Variants in TSPAN11 observed in about 807,000 individuals in gnomAD.
The protein encoded by TSPAN11 is tetraspanin-11.
TSPAN11 carries 29 observed loss-of-function variants against 32.9 expected under a neutral mutation model. The observed-to-expected ratio is 0.88, with a 90% CI of 0.66 to 1.20. The LOEUF is 1.20. Among genes scored for constraint, TSPAN11 ranks in the 50% most tolerant of loss-of-function variants. The pLI, the probability that TSPAN11 is intolerant of heterozygous loss-of-function variation, is 0.00. For missense variants in TSPAN11, 283 were observed against 329.1 expected, an observed-to-expected ratio of 0.86 and a Z score of 1.08; for synonymous variants, 140 against 141.3, an observed-to-expected ratio of 0.99 and a Z score of 0.07.
intron 2 of TSPAN11, 75 bp from the exon 3 acceptor site, chr12:30,963,751 C>A (rs1938662443): frequency 2.0e-6 from 3 of 1,506,902 alleles, no homozygotes; most frequent in Non-Finnish European, 2.7e-6. Flanking sequence ...GTGCCTGGCA[C>A]CCTGTGGGCA....
chr12:30,971,622 C>T (rs1049058888), intron 3 of TSPAN11, among the ~76,000 whole-genome samples: 2 of 152,016 alleles, frequency 1.3e-5, no homozygotes, highest in African/African-American at 4.8e-5. Flanking sequence ...TGGTGGTATG[C>T]ACCTGTAGTC....
intron 1 of TSPAN11, among the ~76,000 whole-genome samples, chr12:30,942,060 C>T (rs945499809): frequency 3.3e-5 from 5 of 152,148 alleles, no homozygotes; most frequent in African/African-American, 7.2e-5. Flanking sequence ...ACTAGCAGGC[C>T]GGTGGGCTGA....
At chr12:30,959,160 C>T (rs925050079) in intron 2 of TSPAN11, among the ~76,000 whole-genome samples, 2 of 152,114 alleles carry the variant, frequency 1.3e-5, no homozygotes, top group African/African-American at 4.8e-5. Flanking sequence ...CTCACTGGGG[C>T]GGCTCCCGGG....
At chr12:31,005,424 C>T in the TSPAN11 span, among the ~76,000 whole-genome samples, 1 of 152,304 alleles carries the variant, frequency 6.6e-6, no homozygotes, top group Admixed American at 6.5e-5. Flanking sequence ...GTGCTGCCTA[C>T]CCCATGGGGG....
At chr12:30,984,267 T>A (rs1007856448) in intron 7 of TSPAN11, among the ~76,000 whole-genome samples, 1 of 152,216 alleles carries the variant, frequency 6.6e-6, no homozygotes, top group African/African-American at 2.4e-5. Flanking sequence ...CCAGTTCCAG[T>A]CCTGGCTTTG....
In TSPAN11 at chr12:30,969,818, G is replaced by A. The variant is rs1446153488; in HGVS notation, c.276+5801G>A. On this transcript the variant is annotated intron_variant, in intron 3 of 7. Transcript: ENST00000546076. Reference sequence around the variant, plus strand: ...GCACAAGGCAGGGTGAGAAGGGGAGGAGGGAAAAAGGGACTCTGACCCAGT... The same window carrying A: ...GCACAAGGCAGGGTGAGAAGGGGAGAAGGGAAAAAGGGACTCTGACCCAGT... 2.0e-5 allele frequency among the ~76,000 whole-genome samples: 3 copies of A among 152,298 alleles called. No individual in the cohort carries two copies. The East Asian group carries it at 5.8e-4, about 29-fold the overall frequency.
At chr12:30,955,931 G>T (rs1938469275) in intron 2 of TSPAN11, among the ~76,000 whole-genome samples, 1 of 152,218 alleles carries the variant, frequency 6.6e-6, no homozygotes. Flanking sequence ...CCAAGGGTAA[G>T]GATTTCGACA....
intron 2 of TSPAN11, among the ~76,000 whole-genome samples, chr12:30,956,684 T>C (rs1242653363): frequency 6.6e-6 from 1 of 151,132 alleles, no homozygotes; most frequent in African/African-American, 2.4e-5. Flanking sequence ...CAGGGTTTCC[T>C]CTGTGGCCAC....
At chr12:31,007,683 G>A in the TSPAN11 span, among the ~76,000 whole-genome samples, 1 of 152,168 alleles carries the variant, frequency 6.6e-6, no homozygotes, top group Non-Finnish European at 1.5e-5. Flanking sequence ...GTGGGCCAGG[G>A]CCAGGCCCAA....
At chr12:30,929,451 T>C (rs1298697754) in intron 1 of TSPAN11, among the ~76,000 whole-genome samples, 1 of 152,208 alleles carries the variant, frequency 6.6e-6, no homozygotes, top group African/African-American at 2.4e-5. Context: ...ACAAGGGCTA[T>C]GTGAGAACTC....
chr12:31,013,410 CA>C, the TSPAN11 span, among the ~76,000 whole-genome samples: 13,901 of 144,948 alleles, frequency 0.096, 795 homozygotes, highest in South Asian at 0.22. Context: ...CTATCTCTAC[CA>C]AAAAAAAAAA....
Position 30,991,863 on chromosome 12 carries a change from G to A in TSPAN11, c.710G>A (p.Gly237Glu), listed in dbSNP as rs777576050. 1.9e-6 allele frequency: 3 copies of A among 1,614,138 alleles called. No homozygotes were observed. Among genetic ancestry groups the A allele is most frequent in the Non-Finnish European group, 1.7e-6 (2 of 1,180,018 alleles). Residue 237 changes from glycine to glutamate, a missense_variant, in exon 8 of 8, where the codon GGG becomes GAG. By Grantham distance (98) the Gly-to-Glu change is moderately conservative. Transcript: ENST00000546076. ...GCTCTCTCCACCTGGCAGATCTGCGGGATGGTTCTCACCTGCTGCTTGCAC... is the reference window on the plus strand; with the variant it reads ...GCTCTCTCCACCTGGCAGATCTGCGAGATGGTTCTCACCTGCTGCTTGCAC... ...GIGVACLQIC[G>E]MVLTCCLHQR...
At chr12:30,930,653 C>T (rs1318458625) in intron 1 of TSPAN11, among the ~76,000 whole-genome samples, 1 of 152,188 alleles carries the variant, frequency 6.6e-6, no homozygotes, top group Non-Finnish European at 1.5e-5. Flanking sequence ...GGGTACGGAG[C>T]GCCCAGGTAT....
chr12:30,978,797 G>C, intron 4 of TSPAN11, 162 bp downstream of exon 4: 1 of 652,218 alleles, frequency 1.5e-6, no homozygotes, highest in Non-Finnish European at 2.7e-6. Flanking sequence ...CCAGCTGCTG[G>C]TCCTGGCTCC....
At position 30,979,637 on chromosome 12, in the gene TSPAN11, G is replaced by A. The variant is rs1939048195; in HGVS notation, c.423G>A (p.Gln141=). 2 of 1,614,076 alleles carry A rather than the reference G, an allele frequency of 1.2e-6. No individual in the cohort carries two copies. The highest frequency in any genetic ancestry group is 2.7e-5 in the African/African-American group (2 of 74,944). The change falls in exon 5 of 8, where the codon CAG becomes CAA. Residue 141 remains glutamine, a synonymous_variant. Coordinates refer to ENST00000546076, the MANE Select transcript of TSPAN11 (RefSeq NM_001370302.1). ...ACTACGGGCAGCCCGGAGCCACGCA[G>A]ATCACCGCCTCAGTGGACCGACTCC... The part of the protein sequence containing the change: ...AENYGQPGAT[Q]ITASVDRLQQ...
chr12:30,997,056 A>C (rs1939428566), downstream of TSPAN11: 1 of 152,178 alleles, frequency 6.6e-6, no homozygotes, highest in Non-Finnish European at 1.5e-5. Flanking sequence ...CTGTCTGTTG[A>C]GACACACACT....
intron 1 of TSPAN11, among the ~76,000 whole-genome samples, chr12:30,940,292 T>C (rs1342057758): frequency 6.6e-6 from 1 of 152,210 alleles, no homozygotes; most frequent in Non-Finnish European, 1.5e-5. Flanking sequence ...TTCACATGGC[T>C]CCTTAATGCA....
At chr12:31,007,334 C>T in the TSPAN11 span, among the ~76,000 whole-genome samples, 2 of 152,120 alleles carry the variant, frequency 1.3e-5, no homozygotes, top group African/African-American at 4.8e-5. Flanking sequence ...CACCCAGACC[C>T]ACAAACCCAC....
the TSPAN11 span, among the ~76,000 whole-genome samples, chr12:31,014,174 T>C: frequency 6.6e-6 from 1 of 152,222 alleles, no homozygotes; most frequent in Non-Finnish European, 1.5e-5. Flanking sequence ...CTAGAATGGA[T>C]TCTGGCATAA....
Sources: allele counts gnomAD v4.1 joint callset (sites outside exome capture counted in the v4.1 genomes callset), GRCh38; gene constraint gnomAD v4.1.1; transcripts MANE v1.5; gene names NCBI Gene and HGNC (gene_info 2026-07-23, HGNC 2026-07-21).